The following CNGB3 variants were observed in gnomAD, a reference collection of about 807,000 sequenced individuals.
The protein encoded by CNGB3 is cyclic nucleotide-gated channel beta-3.
Under a neutral mutation model 92.8 loss-of-function variants are expected in CNGB3, and 86 were observed. That is an observed-to-expected ratio of 0.93 (90% CI 0.78 to 1.11). The LOEUF is 1.11. CNGB3 is among the 50% of genes least tolerant of loss of function. The pLI, the probability that CNGB3 is intolerant of heterozygous loss-of-function variation, is 0.00. For missense variants in CNGB3, 1,026 were observed against 956.8 expected (o/e 1.07, Z -0.95); for synonymous variants, 333 against 332.7 (o/e 1.00, Z -0.01).
In CNGB3 at chr8:86,629,066, T is replaced by C; in HGVS notation, c.1333A>G (p.Ile445Val). Residue 445 changes from isoleucine to valine, a missense_variant, in exon 12 of 18, where the codon ATT (isoleucine) becomes GTT (valine). By Grantham distance (29) the Ile-to-Val change is conservative (BLOSUM62 3). Coordinates refer to ENST00000320005, the MANE Select transcript of CNGB3 (RefSeq NM_019098.5). ...SSLIGQMRDV[I>V]GAATANQNYF... ...TTCTGATTGGCTGTAGCTGCTCCAA[T>C]CACATCTCTCATCTAAAACCACAAA... 2 of 1,613,860 alleles carry C rather than the reference T, an allele frequency of 1.2e-6. No homozygotes were observed. The highest frequency in any genetic ancestry group is 8.5e-7 in the Non-Finnish European group (1 of 1,179,858).
At chr8:86,701,066 C>T (rs527962883) in intron 3 of CNGB3, among the ~76,000 whole-genome samples, 31 of 152,298 alleles carry the variant, frequency 2.0e-4, no homozygotes, top group Non-Finnish European at 2.8e-4. Context: ...TCCCTGCCTC[C>T]GCAGCCTAGA....
chr8:86,635,853 TATATATATATAC>T (rs1172063149), intron 10 of CNGB3, among the ~76,000 whole-genome samples: 870 of 80,312 alleles, frequency 0.011, 23 homozygotes, highest in African/African-American at 0.032. Flanking sequence ...TATATATATA[TATATATATATAC>T]ACATACACAT....
At chr8:86,717,418 C>A (rs1824875939) in intron 3 of CNGB3, among the ~76,000 whole-genome samples, 1 of 151,986 alleles carries the variant, frequency 6.6e-6, no homozygotes, top group South Asian at 2.1e-4. Flanking sequence ...AAAAAATTAG[C>A]CAGGCGTGGT....
At chr8:86,655,071 T>C (rs540980599) in intron 6 of CNGB3, among the ~76,000 whole-genome samples, 3 of 151,594 alleles carry the variant, frequency 2.0e-5, no homozygotes, top group Non-Finnish European at 4.4e-5. Flanking sequence ...TGCTTCCGAG[T>C]ATCCTATGAG....
chr8:86,660,621 C>T (rs1354969786), intron 6 of CNGB3: 1 of 533,770 alleles, frequency 1.9e-6, no homozygotes, highest in Non-Finnish European at 3.8e-6. Context: ...CTGGCTTTGC[C>T]TCTGACTAAG....
intron 3 of CNGB3, among the ~76,000 whole-genome samples, chr8:86,714,551 T>G (rs1824812563): frequency 6.6e-6 from 1 of 152,196 alleles, no homozygotes; most frequent in African/African-American, 2.4e-5. Flanking sequence ...TTGCAGCTCC[T>G]GCTAGGACAG....
chr8:86,605,289 T>G (rs1475550477), intron 14 of CNGB3, among the ~76,000 whole-genome samples: 2 of 152,222 alleles, frequency 1.3e-5, no homozygotes, highest in Non-Finnish European at 2.9e-5. Context: ...GGAACACATC[T>G]TCTCTAACTT....
intron 15 of CNGB3, among the ~76,000 whole-genome samples, chr8:86,601,468 G>C (rs1200142864): frequency 6.6e-6 from 1 of 151,784 alleles, no homozygotes; most frequent in Admixed American, 6.6e-5. Context: ...TCAGGGTTTT[G>C]CTCTTTTGGA....
At chr8:86,604,515 T>C (rs1055752003) in intron 14 of CNGB3, among the ~76,000 whole-genome samples, 2 of 152,164 alleles carry the variant, frequency 1.3e-5, no homozygotes, top group African/African-American at 4.8e-5. Flanking sequence ...GAGGAAGTAA[T>C]TGATTTTAAG....
intron 2 of CNGB3, among the ~76,000 whole-genome samples, chr8:86,735,014 G>A (rs963016048): frequency 1.4e-5 from 2 of 141,636 alleles, no homozygotes; most frequent in South Asian, 2.3e-4. Flanking sequence ...ATTTGAATTC[G>A]GGCATGTCAA....
In CNGB3 at chr8:86,743,520, C is replaced by T; in HGVS notation, c.108G>A (p.Gln36=). ...ATACCTGTGCTGTGGTTTGCTGAGACTGATTACTTGGGTGAGAGCCTTCTT... is the reference window on the plus strand; with the variant it reads ...ATACCTGTGCTGTGGTTTGCTGAGATTGATTACTTGGGTGAGAGCCTTCTT... ...RNEEGSHPSN[Q]SQQTTAQEEN... Residue 36 remains glutamine (Q), a synonymous_variant, in exon 1 of 18, where the codon CAG becomes CAA. Coordinates refer to ENST00000320005, the MANE Select transcript of CNGB3 (RefSeq NM_019098.5). 6.2e-7 allele frequency: 1 copy of T among 1,613,966 alleles called. No homozygotes were observed. Among genetic ancestry groups the T allele is most frequent in the Non-Finnish European group, 8.5e-7 (1 of 1,179,880 alleles).
At chr8:86,742,598 T>C (rs1217457401) in intron 1 of CNGB3, among the ~76,000 whole-genome samples, 2 of 152,176 alleles carry the variant, frequency 1.3e-5, no homozygotes, top group Non-Finnish European at 2.9e-5. Context: ...CTGTTTCAGA[T>C]GGCAAAATAA....
Position 86,668,161 on chromosome 8 carries a change from G to C in CNGB3, c.501C>G (p.Pro167=). Residue 167 remains proline (P), a synonymous_variant, in exon 5 of 18, where the codon CCC becomes CCG. Transcript: ENST00000320005. ...SPEASPQTAK[P]TAVPPVKESD... The stretch of plus-strand genomic sequence containing the variant: ...TTTCTTTTACTGGTGGTACAGCCGT[G>C]GGCTTTGCTTCATAGGGAAAAAAAA... 6.2e-7 allele frequency: 1 copy of C among 1,611,498 alleles called. No homozygotes were observed. Among genetic ancestry groups the C allele is most frequent in the Non-Finnish European group, 8.5e-7 (1 of 1,179,318 alleles).
chr8:86,742,754 T>TTAA (rs1453062353), intron 1 of CNGB3, among the ~76,000 whole-genome samples: 2 of 152,286 alleles, frequency 1.3e-5, no homozygotes, highest in Non-Finnish European at 2.9e-5. Flanking sequence ...CAAATTCTTA[T>TTAA]TAATAATAAT....
At chr8:86,738,470 C>T (rs994408553) in intron 2 of CNGB3, among the ~76,000 whole-genome samples, 2 of 152,088 alleles carry the variant, frequency 1.3e-5, no homozygotes, top group African/African-American at 4.8e-5. Flanking sequence ...ACAAAAGCAA[C>T]CACTTGGCCT....
chr8:86,661,469 C>T (rs776341160), intron 6 of CNGB3: 6 of 596,590 alleles, frequency 1.0e-5, no homozygotes, highest in Admixed American at 2.0e-5. Context: ...CGTCCCTGAG[C>T]TCTTTCATAA....
At chr8:86,735,520 C>T (rs150954985) in intron 2 of CNGB3, among the ~76,000 whole-genome samples, 2 of 152,196 alleles carry the variant, frequency 1.3e-5, no homozygotes, top group East Asian at 1.9e-4. Context: ...ACGTGTCTGA[C>T]GGGCTGTGTT....
At chr8:86,658,328 C>A (rs963264963) in intron 6 of CNGB3, 2 of 478,102 alleles carry the variant, frequency 4.2e-6, no homozygotes, top group Non-Finnish European at 7.8e-6. Context: ...TTGGCATGAG[C>A]GGAAGCGCCT....
At chr8:86,688,299 C>A (rs1369859798) in intron 3 of CNGB3, among the ~76,000 whole-genome samples, 1 of 152,074 alleles carries the variant, frequency 6.6e-6, no homozygotes, top group Non-Finnish European at 1.5e-5. Context: ...CGGCACAAAT[C>A]TAACCCCTCT....
Sources: gnomAD v4.1 joint callset for allele counts (sites outside exome capture counted in the v4.1 genomes callset) on GRCh38, gnomAD v4.1.1 for gene constraint, MANE v1.5 for transcripts, NCBI Gene and HGNC (gene_info 2026-07-23, HGNC 2026-07-21) for gene names.